Variants in CCSER1 observed in about 807,000 individuals in gnomAD.
CCSER1 encodes coiled-coil serine rich protein 1.
A neutral mutation model predicts 82.0 loss-of-function variants in CCSER1; 41 were observed. That is an observed-to-expected ratio of 0.50 (90% CI 0.39 to 0.65). The LOEUF (loss-of-function observed/expected upper bound fraction) is 0.65. Ranked by LOEUF, CCSER1 falls within the 30% of genes least tolerant of loss-of-function variation. CCSER1 has a pLI of 0.00. For missense variants in CCSER1, 1,119 were observed against 1,064.2 expected (o/e 1.05, Z -0.72); for synonymous variants, 414 against 383.9 (o/e 1.08, Z -0.92).
intron 10 of CCSER1, among the ~76,000 whole-genome samples, chr4:91,585,607 A>G (rs1308270449): frequency 6.6e-6 from 1 of 151,560 alleles, no homozygotes; most frequent in African/African-American, 2.4e-5. Flanking sequence ...TTTGAATTAA[A>G]TTCTGGGTTG....
chr4:90,986,518 A>AGTT (rs1271197323), intron 9 of CCSER1, among the ~76,000 whole-genome samples: 1 of 151,802 alleles, frequency 6.6e-6, no homozygotes, highest in Non-Finnish European at 1.5e-5. Flanking sequence ...TGCCTGGATC[A>AGTT]GTTAGAGAGA....
chr4:90,330,819 A>G (rs1739145807), intron 3 of CCSER1, among the ~76,000 whole-genome samples: 1 of 152,146 alleles, frequency 6.6e-6, no homozygotes, highest in Non-Finnish European at 1.5e-5. Context: ...AAGTTCAAAG[A>G]TAGCCACAGT....
chr4:90,264,544 A>T (rs1268262028), intron 1 of CCSER1, among the ~76,000 whole-genome samples: 1 of 152,154 alleles, frequency 6.6e-6, no homozygotes, highest in Non-Finnish European at 1.5e-5. Context: ...TGACAAGAAC[A>T]TCCTTCATAT....
rs142199213 is a variant in CCSER1, at chr4:90,127,568, CCTCT to C, written c.-292_-289del. On this transcript the variant is annotated 5_prime_UTR_variant, in exon 1 of 11. Transcript: ENST00000509176. ...GCCGACCTACTGCCAATCCGCCTCT[CCTCT>C]CTCTCTCTCTCTGTCTCAACATGAC... 6 of 151,046 alleles carry C rather than the reference CCTCT, an allele frequency of 4.0e-5. No individual in the cohort carries two copies. The highest frequency in any genetic ancestry group is 1.3e-4 in the Admixed American group (2 of 15,114). The allele number at this position is 151,046 out of a possible 1,614,324, so 9.4% of individuals were successfully genotyped here.
At chr4:90,726,201 C>A (rs1743611048) in intron 7 of CCSER1, among the ~76,000 whole-genome samples, 1 of 151,780 alleles carries the variant, frequency 6.6e-6, no homozygotes, top group African/African-American at 2.4e-5. Flanking sequence ...AGGAAGATAC[C>A]TTGTTTTGGC....
At chr4:90,402,657 T>C (rs1753046590) in intron 4 of CCSER1, among the ~76,000 whole-genome samples, 1 of 152,188 alleles carries the variant, frequency 6.6e-6, no homozygotes, top group South Asian at 2.1e-4. Flanking sequence ...TAGAAAACAC[T>C]ACAGTTAACA....
At chr4:91,075,614 C>T (rs1293202297) in intron 9 of CCSER1, among the ~76,000 whole-genome samples, 1 of 152,020 alleles carries the variant, frequency 6.6e-6, no homozygotes, top group East Asian at 1.9e-4. Context: ...GACAAATTGT[C>T]TCAGTGAATA....
At chr4:90,957,063 T>A (rs1209790707) in intron 9 of CCSER1, among the ~76,000 whole-genome samples, 3 of 144,226 alleles carry the variant, frequency 2.1e-5, no homozygotes, top group African/African-American at 7.6e-5. Flanking sequence ...CAGGCATGAA[T>A]CAGCAGCAGA....
intron 9 of CCSER1, among the ~76,000 whole-genome samples, chr4:91,036,963 G>T (rs1181626643): frequency 1.3e-5 from 2 of 151,898 alleles, no homozygotes; most frequent in East Asian, 1.9e-4. Context: ...CTGTAATCTC[G>T]CTACTCAGGA....
chr4:90,976,719 G>A (rs1735645658), intron 9 of CCSER1, among the ~76,000 whole-genome samples: 2 of 151,396 alleles, frequency 1.3e-5, no homozygotes, highest in South Asian at 2.1e-4. Flanking sequence ...TGAAGGAAAT[G>A]TTGCCAAAGA....
chr4:90,205,251 G>T lies in CCSER1; in HGVS notation c.-42+77420G>T, dbSNP rs894562488. Among the ~76,000 whole-genome samples, 12 of 152,258 alleles carry T rather than the reference G, an allele frequency of 7.9e-5. No individual in the cohort carries two copies. In the East Asian group the frequency reaches 2.1e-3, roughly 27 times the overall value. ...TATGTTGAATAGGAGTGGTGAGAGA[G>T]GGCATCCTTGTCTTGTGCCAGTTTT... On this transcript the variant is annotated intron_variant, in intron 1 of 10. Coordinates refer to ENST00000509176, the MANE Select transcript of CCSER1 (RefSeq NM_001145065.2).
chr4:90,471,167 A>G (rs182352313), intron 5 of CCSER1, among the ~76,000 whole-genome samples: 2 of 152,216 alleles, frequency 1.3e-5, no homozygotes. Context: ...TTTTTTACCT[A>G]CTTAATTTTA....
intron 3 of CCSER1, among the ~76,000 whole-genome samples, chr4:90,381,555 A>G (rs924512080): frequency 9.2e-5 from 14 of 152,148 alleles, no homozygotes; most frequent in African/African-American, 3.4e-4. Flanking sequence ...TTTTCATTCC[A>G]TAGAATACCA....
intron 1 of CCSER1, among the ~76,000 whole-genome samples, chr4:90,271,845 TA>T (rs1726413379): frequency 8.4e-5 from 2 of 23,896 alleles, no homozygotes; most frequent in African/African-American, 8.5e-4. Context: ...TATATATATA[TA>T]TATATATATA....
intron 3 of CCSER1, among the ~76,000 whole-genome samples, chr4:90,329,791 A>C (rs551649418): frequency 2.8e-4 from 42 of 152,172 alleles, no homozygotes; most frequent in Admixed American, 1.1e-3. Context: ...TTAAACTGGG[A>C]AAAAAGCATC....
At chr4:90,278,693 G>A (rs1194787164) in intron 1 of CCSER1, among the ~76,000 whole-genome samples, 1 of 151,740 alleles carries the variant, frequency 6.6e-6, no homozygotes, top group African/African-American at 2.4e-5. Context: ...GGGATGGAAG[G>A]GGGCAAGGGC....
At chr4:90,243,415 A>G (rs531370670) in intron 1 of CCSER1, among the ~76,000 whole-genome samples, 2 of 151,466 alleles carry the variant, frequency 1.3e-5, no homozygotes, top group South Asian at 4.2e-4. Flanking sequence ...TGCTCAGCTA[A>G]TTTTTGTATT....
At chr4:90,581,727 G>T (rs1391470187) in intron 5 of CCSER1, among the ~76,000 whole-genome samples, 5 of 152,010 alleles carry the variant, frequency 3.3e-5, no homozygotes, top group Non-Finnish European at 5.9e-5. Context: ...AAAGTATTTT[G>T]TACCCTCAGT....
intron 5 of CCSER1, among the ~76,000 whole-genome samples, chr4:90,602,113 A>G (rs1017370589): frequency 3.9e-5 from 6 of 152,120 alleles, no homozygotes; most frequent in Non-Finnish European, 8.8e-5. Flanking sequence ...TTCAACCAGC[A>G]TTGTGAGGTA....
Sources: gnomAD v4.1 joint callset for allele counts (sites outside exome capture counted in the v4.1 genomes callset) on GRCh38, gnomAD v4.1.1 for gene constraint, MANE v1.5 for transcripts, NCBI Gene and HGNC (gene_info 2026-07-23, HGNC 2026-07-21) for gene names.